The following PRPF38A variants were observed in gnomAD, a reference collection of about 807,000 sequenced individuals.
PRPF38A encodes pre-mRNA processing factor 38A.
PRPF38A carries 11 observed loss-of-function variants against 46.8 expected under a neutral mutation model. The observed-to-expected ratio is 0.24, with a 90% CI of 0.15 to 0.39. PRPF38A has a LOEUF of 0.39. PRPF38A is among the 10% of genes least tolerant of loss of function. PRPF38A has a pLI of 1.00. For synonymous variants in PRPF38A, 124 were observed against 136.2 expected (o/e 0.91, Z 0.62); for missense variants, 261 against 407.5 (o/e 0.64, Z 3.10).
rs1427012109 is a variant in PRPF38A at position 52,420,049 on chromosome 1, AAG to A, written c.*3361_*3362del. The A allele has an allele frequency of 2.6e-5, 4 of 152,298 alleles. No homozygotes were observed. The highest frequency in any genetic ancestry group is 9.6e-5 in the African/African-American group (4 of 41,456). The allele number at this position is 152,298 out of a possible 1,614,324, so 9.4% of individuals were successfully genotyped here. On this transcript the variant is annotated 3_prime_UTR_variant, in exon 10 of 10. Transcript: ENST00000257181. ...GTGAGACTCCGTCTCAAAAAGAAAAAAGAATTAAATGGGGTCAGGATGGTCTC... is the reference window on the plus strand; with the variant it reads ...GTGAGACTCCGTCTCAAAAAGAAAAAAATTAAATGGGGTCAGGATGGTCTC...
chr1:52,405,869 G>A, intron 2 of PRPF38A, 30 bp downstream of exon 2: 2 of 1,603,546 alleles, frequency 1.2e-6, no homozygotes. Flanking sequence ...GCTAATATAA[G>A]AGGTTTAATT....
rs1347529145 is a variant in PRPF38A, at chr1:52,405,755, C to G, written c.206C>G (p.Pro69Arg). Reference protein sequence around the residue: ...GVYGGNIKPTPFLCLTLKMLQ... With the variant: ...GVYGGNIKPTRFLCLTLKMLQ... The stretch of plus-strand genomic sequence containing the variant: ...TATGGTGGCAACATAAAACCAACAC[C>G]CTTTCTGTGTTTAACCTTGAAGATG... Residue 69 changes from proline (P) to arginine (R), a missense_variant, in exon 2 of 10, where the codon CCC becomes CGC. Transcript: ENST00000257181. The G allele has an allele frequency of 6.2e-7, 1 of 1,613,908 alleles. No individual in the cohort carries two copies. Among genetic ancestry groups the G allele is most frequent in the Admixed American group, 1.7e-5 (1 of 60,006 alleles).
At chr1:52,410,691 G>T (rs1648124668) in intron 3 of PRPF38A, among the ~76,000 whole-genome samples, 1 of 151,968 alleles carries the variant, frequency 6.6e-6, no homozygotes, top group South Asian at 2.1e-4. Context: ...TAGTAGAGAT[G>T]GGGTTTCGCC....
intron 2 of PRPF38A, among the ~76,000 whole-genome samples, chr1:52,406,558 C>G (rs1648004218): frequency 6.6e-6 from 1 of 152,240 alleles, no homozygotes; most frequent in Middle Eastern, 3.4e-3. Context: ...ATTTTCTAAA[C>G]TTTGCTTATC....
chr1:52,408,114 G>A (rs182963162), intron 2 of PRPF38A, among the ~76,000 whole-genome samples: 5 of 150,788 alleles, frequency 3.3e-5, no homozygotes, highest in Non-Finnish European at 5.9e-5. Flanking sequence ...GGTGGCGGGC[G>A]CCTGTAATCC....
At chr1:52,409,758 G>GTTATTTAT (rs939284687) in intron 3 of PRPF38A, among the ~76,000 whole-genome samples, 1 of 152,148 alleles carries the variant, frequency 6.6e-6, no homozygotes, top group African/African-American at 2.4e-5. Context: ...CCATGATGGA[G>GTTATTTAT]TTATTTATTT....
At chr1:52,405,948 A>G in intron 2 of PRPF38A, 109 bp downstream of exon 2, 1 of 927,490 alleles carries the variant, frequency 1.1e-6, no homozygotes, top group Non-Finnish European at 1.6e-6. Flanking sequence ...AGAGAGTTCC[A>G]CTCCAGATTT....
At chr1:52,414,015 T>TC in intron 6 of PRPF38A, 24 bp downstream of exon 6, 3 of 1,511,390 alleles carry the variant, frequency 2.0e-6, no homozygotes, top group Non-Finnish European at 2.8e-6. Context: ...ATTGGCCTTT[T>TC]CCCAGAAGAT....
chr1:52,407,927 A>G (rs1366679873), intron 2 of PRPF38A, among the ~76,000 whole-genome samples: 1 of 152,268 alleles, frequency 6.6e-6, no homozygotes, highest in Non-Finnish European at 1.5e-5. Context: ...GTGTTGGCAC[A>G]TGCCTATAAT....
chr1:52,413,571 T>C (rs1034358936), intron 5 of PRPF38A, among the ~76,000 whole-genome samples: 23 of 151,932 alleles, frequency 1.5e-4, no homozygotes, highest in African/African-American at 5.3e-4. Context: ...AATTTGTGTA[T>C]TTTTTTTGTA....
At chr1:52,414,557 G>C (rs1648236633) in intron 6 of PRPF38A, 64 bp from the exon 7 acceptor site, 3 of 1,582,014 alleles carry the variant, frequency 1.9e-6, no homozygotes, top group African/African-American at 1.3e-5. Flanking sequence ...GATTGGGGCC[G>C]TTTTTGCAAT....
chr1:52,415,226 C>G, intron 8 of PRPF38A, 112 bp from the exon 9 acceptor site: 1 of 1,082,892 alleles, frequency 9.2e-7, no homozygotes, highest in Non-Finnish European at 1.4e-6. Context: ...GAGGTGTCCC[C>G]TGCATAGGCC....
chr1:52,413,913 G>C lies in PRPF38A; in HGVS notation c.644G>C (p.Arg215Thr). The change falls in exon 6 of 10, where the codon AGA (arginine) becomes ACA (threonine). Residue 215 changes from arginine to threonine, a missense_variant. Transcript: ENST00000257181. Reference sequence around the variant, plus strand: ...GTGCCATCACCTGATCACCGCCGGAGAAGCTACCGAGACTTGGACAAGCCC... The same window carrying C: ...GTGCCATCACCTGATCACCGCCGGACAAGCTACCGAGACTTGGACAAGCCC... ...ERVPSPDHRRRSYRDLDKPRR... is the reference protein window; with the variant it reads ...ERVPSPDHRRTSYRDLDKPRR... The C allele has an allele frequency of 6.2e-7, 1 of 1,613,898 alleles. No individual in the cohort carries two copies. Among genetic ancestry groups the C allele is most frequent in the Non-Finnish European group, 8.5e-7 (1 of 1,179,934 alleles).
Position 52,404,635 on chromosome 1 carries a change from C to A in PRPF38A, c.-115C>A. Reference sequence around the variant, plus strand: ...GTGTTTCCGGCTTCAAGATGGTCGCCTAAGCTGTTTAGTGAAACTTCTTCC... The same window carrying A: ...GTGTTTCCGGCTTCAAGATGGTCGCATAAGCTGTTTAGTGAAACTTCTTCC... On this transcript the variant is annotated 5_prime_UTR_variant, in exon 1 of 10. Transcript: ENST00000257181. 8.3e-7 allele frequency: 1 copy of A among 1,211,286 alleles called. No homozygotes were observed. Among genetic ancestry groups the A allele is most frequent in the Non-Finnish European group, 1.2e-6 (1 of 866,932 alleles). 75.0% of individuals were successfully genotyped at this position (1,211,286 alleles called of 1,614,324 possible). A position where few individuals can be genotyped will look rare whatever the true frequency, so the allele number is the denominator to read the frequency against.
intron 2 of PRPF38A, among the ~76,000 whole-genome samples, chr1:52,407,611 C>T (rs1222178807): frequency 6.6e-6 from 1 of 152,124 alleles, no homozygotes; most frequent in Non-Finnish European, 1.5e-5. Flanking sequence ...TTAAATATAT[C>T]TTCTTTCTGT....
chr1:52,416,632 T>C lies in PRPF38A; in HGVS notation c.897-16T>C. 6.2e-7 allele frequency: 1 copy of C among 1,602,410 alleles called. No individual in the cohort carries two copies. The highest frequency in any genetic ancestry group is 1.7e-4 in the Middle Eastern group (1 of 6,030). On this transcript the variant is annotated splice_polypyrimidine_tract_variant and intron_variant, in intron 9 of 9. Coordinates refer to ENST00000257181, the MANE Select transcript of PRPF38A (RefSeq NM_032864.4). The stretch of plus-strand genomic sequence containing the variant: ...CTGCTTCTTAATATAATTATTTATA[T>C]GTGTTGCCATTTCAGGTCTAAGAAG...
At chr1:52,410,058 C>T (rs989710508) in intron 3 of PRPF38A, among the ~76,000 whole-genome samples, 7 of 148,360 alleles carry the variant, frequency 4.7e-5, no homozygotes, top group African/African-American at 7.6e-5. Context: ...TATATACACA[C>T]ACATATATAT....
In PRPF38A at chr1:52,419,750, T is replaced by G. The variant is rs1041198335; in HGVS notation, c.*3060T>G. The G allele has an allele frequency of 6.6e-6, 1 of 152,044 alleles. No individual in the cohort carries two copies. The highest frequency in any genetic ancestry group is 1.5e-5 in the Non-Finnish European group (1 of 68,014). The allele number at this position is 152,044 out of a possible 1,614,324, so 9.4% of individuals were successfully genotyped here. The stretch of plus-strand genomic sequence containing the variant: ...AAATATGTAGAATAAAGAAATATTC[T>G]GATGGTTTAAAAAGAATTGGCCGGG... On this transcript the variant is annotated 3_prime_UTR_variant, in exon 10 of 10. Transcript: ENST00000257181.
chr1:52,416,415 TCTC>T (rs973367286), intron 9 of PRPF38A, among the ~76,000 whole-genome samples: 1 of 151,468 alleles, frequency 6.6e-6, no homozygotes, highest in African/African-American at 2.4e-5. Context: ...TTCAAGCAAT[TCTC>T]CTGTCCCAGC....
Sources: gnomAD v4.1 joint callset for allele counts (sites outside exome capture counted in the v4.1 genomes callset) on GRCh38, gnomAD v4.1.1 for gene constraint, MANE v1.5 for transcripts, NCBI Gene and HGNC (gene_info 2026-07-23, HGNC 2026-07-21) for gene names.